Variants in NQO2 observed in about 807,000 individuals in gnomAD.
NQO2 encodes the protein N-ribosyldihydronicotinamide:quinone dehydrogenase 2.
NQO2 carries 18 observed loss-of-function variants against 22.0 expected under a neutral mutation model. That is an observed-to-expected ratio of 0.82 (90% CI 0.56 to 1.21). NQO2 has a LOEUF of 1.21. Among genes scored for constraint, NQO2 ranks in the 50% most tolerant of loss-of-function variants. The pLI is 0.00. For missense variants in NQO2, 267 were observed against 286.9 expected, an observed-to-expected ratio of 0.93 and a Z score of 0.50; for synonymous variants, 106 against 110.8, an observed-to-expected ratio of 0.96 and a Z score of 0.28.
intron 2 of NQO2, among the ~76,000 whole-genome samples, chr6:3,008,832 T>G (rs1757043596): frequency 6.6e-6 from 1 of 152,236 alleles, no homozygotes; most frequent in Non-Finnish European, 1.5e-5. Flanking sequence ...CCAGCAAGTT[T>G]TTATTAGTGA....
intron 3 of NQO2, among the ~76,000 whole-genome samples, chr6:3,010,640 CCTGACA>C: frequency 6.6e-6 from 1 of 151,710 alleles, no homozygotes; most frequent in East Asian, 1.9e-4. Flanking sequence ...GAGAAATATC[CCTGACA>C]ACAGCCAGAG....
At chr6:3,004,605 G>A (rs1756874167) in intron 1 of NQO2, 1 of 985,382 alleles carries the variant, frequency 1.0e-6, no homozygotes, top group Admixed American at 6.1e-5. Context: ...ATAAGGAGTG[G>A]GCCCTGGAAG....
At chr6:3,010,572 G>A (rs1464298810) in intron 3 of NQO2, among the ~76,000 whole-genome samples, 1 of 152,090 alleles carries the variant, frequency 6.6e-6, no homozygotes, top group Admixed American at 6.5e-5. Context: ...CCAGAAACAG[G>A]CAGGAAGGAG....
chr6:3,015,919 C>G (rs937617722), intron 5 of NQO2, among the ~76,000 whole-genome samples: 1 of 152,124 alleles, frequency 6.6e-6, no homozygotes, highest in Non-Finnish European at 1.5e-5. Context: ...GACGGGGGAC[C>G]TGGGCAACCT....
intron 4 of NQO2, chr6:3,015,274 C>T: frequency 6.9e-7 from 1 of 1,442,174 alleles, no homozygotes; most frequent in Non-Finnish European, 9.2e-7. Context: ...CCTGCCTGCC[C>T]AGGGCCAGCA....
At chr6:3,004,612 G>A (rs1756874439) in intron 1 of NQO2, 1 of 985,404 alleles carries the variant, frequency 1.0e-6, no homozygotes, top group African/African-American at 1.7e-5. Flanking sequence ...GTGGGCCCTG[G>A]AAGATGCTCA....
At chr6:3,009,418 A>G (rs951852452) in intron 2 of NQO2, among the ~76,000 whole-genome samples, 1 of 152,228 alleles carries the variant, frequency 6.6e-6, no homozygotes, top group Non-Finnish European at 1.5e-5. Context: ...CATGCTCTGC[A>G]AACAATTTGT....
chr6:3,015,015 A>T, intron 4 of NQO2: 1 of 1,035,434 alleles, frequency 9.7e-7, no homozygotes, highest in Non-Finnish European at 1.3e-6. Context: ...CCAGGCGGTA[A>T]CACTGGATGT....
At chr6:3,007,356 G>C (rs1278007145) in intron 2 of NQO2, among the ~76,000 whole-genome samples, 2 of 152,144 alleles carry the variant, frequency 1.3e-5, no homozygotes, top group African/African-American at 4.8e-5. Flanking sequence ...CTATTCTCCT[G>C]TTAAGCCCCT....
Position 3,006,670 on chromosome 6 carries a change from C to A in NQO2, c.7+111C>A. On this transcript the variant is annotated intron_variant, in intron 2 of 6. Coordinates refer to ENST00000380455, the MANE Select transcript of NQO2 (RefSeq NM_000904.6). The surrounding 1 kb of genome is among the most constrained non-coding windows in gnomAD (Gnocchi z 4.0). ...AGCTCAAGTGACCCTCCCACATTGA[C>A]CTTCCAGGTGGGAGTTAGACTCTTA... is the stretch of plus-strand genomic sequence containing the variant. The A allele has an allele frequency of 4.5e-6, 5 of 1,116,026 alleles. No homozygotes were observed. Among genetic ancestry groups the A allele is most frequent in the Non-Finnish European group, 6.2e-6 (5 of 807,192 alleles). The allele number at this position is 1,116,026 out of a possible 1,614,324, so 69.1% of individuals were successfully genotyped here. A position where few individuals can be genotyped will look rare whatever the true frequency, so the allele number is the denominator to read the frequency against.
chr6:3,005,794 TCTCA>T (rs1756932258), intron 1 of NQO2: 2 of 985,234 alleles, frequency 2.0e-6, no homozygotes, highest in South Asian at 4.7e-5. Context: ...ACTGTCTCTC[TCTCA>T]CTCTTCTGGG....
At chr6:3,005,720 G>T (rs932488156) in intron 1 of NQO2, 11 of 985,204 alleles carry the variant, frequency 1.1e-5, no homozygotes, top group Non-Finnish European at 1.3e-5. Flanking sequence ...GAGGCCAAAG[G>T]CTCCCCTGGG....
chr6:3,004,996 T>C (rs1184762791), intron 1 of NQO2, among the ~76,000 whole-genome samples: 1 of 152,206 alleles, frequency 6.6e-6, no homozygotes, highest in Non-Finnish European at 1.5e-5. Flanking sequence ...AGTTTCGCCA[T>C]GTTGGCCAGG....
Position 3,019,688 on chromosome 6 carries a change from C to T in NQO2, c.*33C>T, listed in dbSNP as rs757614582. ...GCACGTGGGCATCACGTAAGCAGCA[C>T]ACTAGGAGGCCCAGGCGCAGGCAAA... On this transcript the variant is annotated 3_prime_UTR_variant, in exon 7 of 7. Coordinates refer to ENST00000380455, the MANE Select transcript of NQO2 (RefSeq NM_000904.6). The T allele has an allele frequency of 2.6e-6, 4 of 1,534,854 alleles. No homozygotes were observed. The Admixed American group carries it at 5.9e-5, about 23-fold the overall frequency.
chr6:3,015,954 C>T (rs1757313065), intron 5 of NQO2, among the ~76,000 whole-genome samples: 2 of 152,118 alleles, frequency 1.3e-5, no homozygotes, highest in Non-Finnish European at 2.9e-5. Flanking sequence ...GGTGGCCAGC[C>T]CTGGCTCCAG....
At chr6:3,013,103 C>G (rs1757202523) in intron 4 of NQO2, among the ~76,000 whole-genome samples, 2 of 151,608 alleles carry the variant, frequency 1.3e-5, no homozygotes, top group Admixed American at 6.6e-5. Flanking sequence ...CTACAGGCGC[C>G]CGCCACCACG....
At chr6:3,016,068 G>A (rs1338596514) in intron 5 of NQO2, among the ~76,000 whole-genome samples, 2 of 152,180 alleles carry the variant, frequency 1.3e-5, no homozygotes, top group Non-Finnish European at 2.9e-5. Context: ...ACACCCACGT[G>A]GCAGGATGAG....
intron 1 of NQO2, chr6:3,004,753 C>G (rs1426044420): frequency 1.0e-5 from 5 of 488,520 alleles, no homozygotes; most frequent in Admixed American, 6.4e-5. Context: ...ATGCGCGATG[C>G]GTGTCTTCAC....
At chr6:3,001,090 CTTTTTTT>C (rs66489312) in intron 1 of NQO2, among the ~76,000 whole-genome samples, 14 of 114,226 alleles carry the variant, frequency 1.2e-4, no homozygotes, top group African/African-American at 4.7e-4. Context: ...CTTTCTTTTT[CTTTTTTT>C]TTTTTTTTTG....
Sources: allele counts gnomAD v4.1 joint callset (sites outside exome capture counted in the v4.1 genomes callset), GRCh38; gene constraint gnomAD v4.1.1; non-coding constraint Gnocchi (gnomAD v3.1); transcripts MANE v1.5; gene names NCBI Gene and HGNC (gene_info 2026-07-23, HGNC 2026-07-21).